Variants in CCDC92 observed in about 807,000 individuals in gnomAD.
CCDC92 encodes the protein coiled-coil domain containing 92, also known as coiled-coil domain-containing protein 92.
A neutral mutation model predicts 24.9 loss-of-function variants in CCDC92; 12 were observed. The observed-to-expected ratio is 0.48, with a 90% CI of 0.31 to 0.78. CCDC92 has a LOEUF of 0.78. Ranked by LOEUF, CCDC92 falls within the 30% of genes least tolerant of loss-of-function variation. The probability of loss-of-function intolerance (pLI) is 0.05; values close to 1 mark genes in which losing one functional copy is unlikely to be tolerated. For synonymous variants in CCDC92, 193 were observed against 196.3 expected (o/e 0.98, Z 0.14); for missense variants, 399 against 439.4 (o/e 0.91, Z 0.82).
chr12:123,948,519 A>T (rs551133103), intron 1 of CCDC92, among the ~76,000 whole-genome samples: 1 of 152,292 alleles, frequency 6.6e-6, no homozygotes, highest in South Asian at 2.1e-4. Context: ...GGAGAGTGTG[A>T]CCATGTAACG....
chr12:123,970,865 T>G (rs944024924), intron 1 of CCDC92, among the ~76,000 whole-genome samples: 4 of 152,240 alleles, frequency 2.6e-5, no homozygotes, highest in Non-Finnish European at 5.9e-5. Context: ...TTTATTAACG[T>G]TAGTATCGTT....
chr12:123,970,730 A>G (rs995928322), intron 1 of CCDC92, among the ~76,000 whole-genome samples: 1 of 152,264 alleles, frequency 6.6e-6, no homozygotes, highest in Non-Finnish European at 1.5e-5. Context: ...TGTGCCCACT[A>G]TGTATTAGAA....
intron 1 of CCDC92, among the ~76,000 whole-genome samples, chr12:123,948,531 G>A (rs773492808): frequency 6.6e-5 from 10 of 152,202 alleles, no homozygotes; most frequent in Non-Finnish European, 1.3e-4. Context: ...CATGTAACGC[G>A]CAGAGCTCCA....
rs1283792848 is a variant in CCDC92, at chr12:123,936,479, C to T, written c.*579G>A. On this transcript the variant is annotated 3_prime_UTR_variant, in exon 5 of 5. Coordinates refer to ENST00000238156, the MANE Select transcript of CCDC92 (RefSeq NM_025140.3). ...TAAAACTAACAAAAAAATATGAACACACATTCAGGTTGTGGTGCTATGAGG... is the reference window on the plus strand; with the variant it reads ...TAAAACTAACAAAAAAATATGAACATACATTCAGGTTGTGGTGCTATGAGG... The T allele has an allele frequency of 1.3e-5, 2 of 153,816 alleles. No individual in the cohort carries two copies. The highest frequency in any genetic ancestry group is 2.9e-5 in the Non-Finnish European group (2 of 68,882). The allele number at this position is 153,816 out of a possible 1,614,324, so 9.5% of individuals were successfully genotyped here. A position where few individuals can be genotyped will look rare whatever the true frequency, so the allele number is the denominator to read the frequency against.
At chr12:123,938,695 T>C (rs1955597431) in intron 4 of CCDC92, among the ~76,000 whole-genome samples, 2 of 152,214 alleles carry the variant, frequency 1.3e-5, no homozygotes, top group African/African-American at 4.8e-5. Flanking sequence ...GGTCTGGAAT[T>C]CAACTTGAGC....
chr12:123,952,451 G>A (rs943318915), intron 1 of CCDC92, among the ~76,000 whole-genome samples: 1 of 152,194 alleles, frequency 6.6e-6, no homozygotes, highest in Non-Finnish European at 1.5e-5. Flanking sequence ...ACCATCTATA[G>A]TACTTCACGA....
chr12:123,969,620 C>T (rs1233095337), intron 1 of CCDC92, among the ~76,000 whole-genome samples: 4 of 151,870 alleles, frequency 2.6e-5, no homozygotes, highest in Non-Finnish European at 4.4e-5. Flanking sequence ...TGCGCCACCA[C>T]GACCAGCTAA....
At chr12:123,943,884 C>G (rs569283707) in intron 2 of CCDC92, 5 of 432,168 alleles carry the variant, frequency 1.2e-5, no homozygotes, top group African/African-American at 3.9e-5. Context: ...ATCCAGGGAC[C>G]CTTGGTTCCA....
chr12:123,961,582 G>A (rs575741700), intron 1 of CCDC92, among the ~76,000 whole-genome samples: 6 of 152,306 alleles, frequency 3.9e-5, no homozygotes, highest in African/African-American at 1.4e-4. Flanking sequence ...GAAAAGATAA[G>A]CAATGGGGAA....
At chr12:123,942,459 A>G (rs917483357) in intron 4 of CCDC92, among the ~76,000 whole-genome samples, 2 of 152,258 alleles carry the variant, frequency 1.3e-5, no homozygotes, top group African/African-American at 2.4e-5. Context: ...TACACAAGGA[A>G]CACATGTTCA....
intron 1 of CCDC92, chr12:123,967,990 G>A (rs1956432801): frequency 6.6e-6 from 1 of 152,192 alleles, no homozygotes; most frequent in Admixed American, 6.5e-5. Flanking sequence ...TTGCCAAAGA[G>A]GCAACAAAAA....
In CCDC92 at chr12:123,970,575, T is replaced by C. The variant is rs575189506; in HGVS notation, c.-60+1954A>G. Reference sequence around the variant, plus strand: ...AAACTGGTGTCATTAAGTTAGCACCTACCTAGCCGGGATGAAACTTCAATC... The same window carrying C: ...AAACTGGTGTCATTAAGTTAGCACCCACCTAGCCGGGATGAAACTTCAATC... On this transcript the variant is annotated intron_variant, in intron 1 of 4. Coordinates refer to ENST00000238156, the MANE Select transcript of CCDC92 (RefSeq NM_025140.3). Among the ~76,000 whole-genome samples, 4 of 152,374 alleles carry C rather than the reference T, an allele frequency of 2.6e-5. No individual in the cohort carries two copies. In the South Asian group the frequency reaches 8.3e-4, roughly 32 times the overall value.
chr12:123,948,503 G>A (rs1163869041), intron 1 of CCDC92, among the ~76,000 whole-genome samples: 3 of 152,212 alleles, frequency 2.0e-5, no homozygotes, highest in African/African-American at 7.2e-5. Context: ...AACGGCAGGC[G>A]AGCAGGGAGA....
chr12:123,952,738 T>C (rs1956057501), intron 1 of CCDC92, among the ~76,000 whole-genome samples: 1 of 152,118 alleles, frequency 6.6e-6, no homozygotes, highest in Non-Finnish European at 1.5e-5. Context: ...CAACAATGAC[T>C]CCAGGAATAT....
chr12:123,939,322 C>T (rs558242565), intron 4 of CCDC92, among the ~76,000 whole-genome samples: 14 of 152,318 alleles, frequency 9.2e-5, no homozygotes, highest in South Asian at 2.1e-4. Context: ...CAGCATGTCC[C>T]GCCGCCAGAC....
At chr12:123,938,318 CCT>C (rs2137856630) in intron 4 of CCDC92, among the ~76,000 whole-genome samples, 1 of 152,170 alleles carries the variant, frequency 6.6e-6, no homozygotes, top group South Asian at 2.1e-4. Context: ...CCGCTGGCCG[CCT>C]CTCTCACCCC....
intron 1 of CCDC92, among the ~76,000 whole-genome samples, chr12:123,967,253 A>C (rs1956415221): frequency 6.6e-6 from 1 of 152,034 alleles, no homozygotes; most frequent in Admixed American, 6.6e-5. Context: ...TGGTCTTGTC[A>C]TAGGGACTCA....
At chr12:123,966,399 T>A (rs1446570661) in intron 1 of CCDC92, 1 of 152,208 alleles carries the variant, frequency 6.6e-6, no homozygotes, top group African/African-American at 2.4e-5. Flanking sequence ...TCTGGTTACA[T>A]CCCCAATGGT....
chr12:123,935,706 TG>T lies in CCDC92; in HGVS notation c.*1351del. 2.2e-6 allele frequency: 1 copy of T among 449,262 alleles called. No homozygotes were observed. The highest frequency in any genetic ancestry group is 3.8e-6 in the Non-Finnish European group (1 of 259,936). The allele number at this position is 449,262 out of a possible 1,614,324, so 27.8% of individuals were successfully genotyped here. A position where few individuals can be genotyped will look rare whatever the true frequency, so the allele number is the denominator to read the frequency against. On this transcript the variant is annotated 3_prime_UTR_variant, in exon 5 of 5. Transcript: ENST00000238156. ...ATTTATATAATCAAAAAGTAAATAT[TG>T]GAGAGTATTTTAAGATGTGTGGAGT...
Sources: gnomAD v4.1 joint callset for allele counts (sites outside exome capture counted in the v4.1 genomes callset) on GRCh38, gnomAD v4.1.1 for gene constraint, MANE v1.5 for transcripts, NCBI Gene and HGNC (gene_info 2026-07-23, HGNC 2026-07-21) for gene names.